EEIG2: variants seen among roughly 807,000 people sequenced by gnomAD.
EEIG2 encodes family with sequence similarity 102 member B.
At chr1:108,628,506 A>G in the EEIG2 span, 1 of 1,614,178 alleles carries the variant, frequency 6.2e-7, no homozygotes, top group Non-Finnish European at 8.5e-7. Flanking sequence ...GAGCCATGTG[A>G]TGAAATTGAG....
the EEIG2 span, among the ~76,000 whole-genome samples, chr1:108,575,875 CT>C: frequency 2.6e-5 from 4 of 152,102 alleles, no homozygotes; most frequent in Admixed American, 1.3e-4. Context: ...TGAAAATGTT[CT>C]AAAATTGACT....
At chr1:108,611,325 C>T in the EEIG2 span, among the ~76,000 whole-genome samples, 1 of 152,154 alleles carries the variant, frequency 6.6e-6, no homozygotes, top group African/African-American at 2.4e-5. Context: ...ATAGACTTAG[C>T]TTGCTCAAAA....
the EEIG2 span, among the ~76,000 whole-genome samples, chr1:108,582,028 C>G: frequency 6.6e-6 from 1 of 152,138 alleles, no homozygotes; most frequent in African/African-American, 2.4e-5. Flanking sequence ...AACCACCACC[C>G]TGTCAGTCAG....
the EEIG2 span, among the ~76,000 whole-genome samples, chr1:108,579,827 C>G: frequency 7.3e-6 from 1 of 136,216 alleles, no homozygotes; most frequent in Non-Finnish European, 1.6e-5. Context: ...ACCCAGGCTG[C>G]AGTGCGATGA....
chr1:108,565,390 T>C, the EEIG2 span, among the ~76,000 whole-genome samples: 2 of 152,372 alleles, frequency 1.3e-5, no homozygotes, highest in South Asian at 4.1e-4. Flanking sequence ...TTGACCAAAA[T>C]GTCCTCATGC....
At chr1:108,611,540 G>A in the EEIG2 span, among the ~76,000 whole-genome samples, 1 of 152,178 alleles carries the variant, frequency 6.6e-6, no homozygotes, top group Non-Finnish European at 1.5e-5. Context: ...TCTGAGAAAG[G>A]GAGGAATTAG....
the EEIG2 span, among the ~76,000 whole-genome samples, chr1:108,583,152 C>T: frequency 6.6e-6 from 1 of 151,646 alleles, no homozygotes; most frequent in South Asian, 2.1e-4. Context: ...TTTTATGCTG[C>T]CTTTTGTTTT....
the EEIG2 span, among the ~76,000 whole-genome samples, chr1:108,632,830 G>T: frequency 6.6e-6 from 1 of 152,000 alleles, no homozygotes; most frequent in Non-Finnish European, 1.5e-5. Context: ...AAGAGATAGG[G>T]TCTCACCCTG....
At chr1:108,611,745 G>C in the EEIG2 span, among the ~76,000 whole-genome samples, 1 of 152,180 alleles carries the variant, frequency 6.6e-6, no homozygotes, top group African/African-American at 2.4e-5. Flanking sequence ...ACTGGACCCA[G>C]AATAGGGAGA....
At chr1:108,610,551 A>G in the EEIG2 span, among the ~76,000 whole-genome samples, 2 of 152,206 alleles carry the variant, frequency 1.3e-5, no homozygotes, top group Non-Finnish European at 2.9e-5. Context: ...GTGATCATTC[A>G]TGTAAGTATT....
At chr1:108,622,814 G>A in the EEIG2 span, among the ~76,000 whole-genome samples, 1 of 152,190 alleles carries the variant, frequency 6.6e-6, no homozygotes, top group Non-Finnish European at 1.5e-5. Flanking sequence ...AACAGGGTAA[G>A]AATTTAAGAA....
At chr1:108,591,386 ATTGT>A in the EEIG2 span, among the ~76,000 whole-genome samples, 8 of 152,178 alleles carry the variant, frequency 5.3e-5, no homozygotes, top group African/African-American at 1.9e-4. Flanking sequence ...TTTTAGAGAG[ATTGT>A]TTGAGAATCC....
chr1:108,616,974 G>C, the EEIG2 span, among the ~76,000 whole-genome samples: 2 of 152,078 alleles, frequency 1.3e-5, no homozygotes, highest in African/African-American at 4.8e-5. Flanking sequence ...GGCCCCCCCC[G>C]GTAAAGATGA....
the EEIG2 span, among the ~76,000 whole-genome samples, chr1:108,567,204 A>G: frequency 6.6e-6 from 1 of 152,210 alleles, no homozygotes; most frequent in Non-Finnish European, 1.5e-5. Flanking sequence ...CTGACCAGAA[A>G]TGGAGTCATC....
At chr1:108,601,864 A>C in the EEIG2 span, among the ~76,000 whole-genome samples, 1 of 152,188 alleles carries the variant, frequency 6.6e-6, no homozygotes, top group Non-Finnish European at 1.5e-5. Flanking sequence ...GGACACAGGG[A>C]AGCAATCAGT....
chr1:108,598,251 T>C, the EEIG2 span, among the ~76,000 whole-genome samples: 1 of 149,860 alleles, frequency 6.7e-6, no homozygotes, highest in Non-Finnish European at 1.5e-5. Context: ...TGGGAATTGC[T>C]TGAGCCCAGG....
chr1:108,560,433 T>G, the EEIG2 span: 1 of 1,607,396 alleles, frequency 6.2e-7, no homozygotes, highest in Non-Finnish European at 8.5e-7. Flanking sequence ...CTCACGATGA[T>G]GAAGAAGAAG....
At chr1:108,626,385 CGGGACACAG>C in the EEIG2 span, 2 of 152,138 alleles carry the variant, frequency 1.3e-5, no homozygotes, top group African/African-American at 4.8e-5. Flanking sequence ...GCAGAAGGCC[CGGGACACAG>C]TAGATGAGTG....
the EEIG2 span, among the ~76,000 whole-genome samples, chr1:108,598,067 C>T: frequency 1.3e-5 from 2 of 152,070 alleles, no homozygotes; most frequent in African/African-American, 4.8e-5. Context: ...CACCGTGGCT[C>T]ACATGTGTAA....
Sources: gnomAD v4.1 joint callset for allele counts (sites outside exome capture counted in the v4.1 genomes callset) on GRCh38, gnomAD v4.1.1 for gene constraint, MANE v1.5 for transcripts, NCBI Gene and HGNC (gene_info 2026-07-23, HGNC 2026-07-21) for gene names.